Variants in IPO7 observed in about 807,000 individuals in gnomAD.
IPO7 encodes the protein importin-7.
In IPO7, 13 loss-of-function variants were observed where a neutral mutation model predicts 136.4. The observed-to-expected ratio is 0.10, with a 90% confidence interval of 0.06 to 0.15. The LOEUF (loss-of-function observed/expected upper bound fraction) is 0.15. IPO7 is among the 10% of genes least tolerant of loss of function. IPO7 has a pLI of 1.00. For missense variants in IPO7, 857 were observed against 1,240.6 expected, an observed-to-expected ratio of 0.69 and a Z score of 4.65; for synonymous variants, 403 against 404.4, an observed-to-expected ratio of 1.00 and a Z score of 0.04.
rs1428741048 is a variant in IPO7, at chr11:9,440,708, T to A, written c.2902+47T>A. The A allele has an allele frequency of 2.2e-6, 3 of 1,374,134 alleles. No homozygotes were observed. The African/African-American group carries it at 4.3e-5, about 20-fold the overall frequency. The allele number at this position is 1,374,134 out of a possible 1,614,324, so 85.1% of individuals were successfully genotyped here. On this transcript the variant is annotated intron_variant, in intron 23 of 24. Transcript: ENST00000379719. The stretch of plus-strand genomic sequence containing the variant: ...GGATCCATTTCATTGAACAAATCTG[T>A]TGTAGTTTCTGCCTGCCCTTTAAAG...
intron 6 of IPO7, among the ~76,000 whole-genome samples, chr11:9,417,629 A>G (rs1454487015): frequency 6.6e-6 from 1 of 152,040 alleles, no homozygotes. Context: ...TTTTTAGTAC[A>G]TTCAGAGTTG....
intron 6 of IPO7, among the ~76,000 whole-genome samples, chr11:9,418,777 A>G (rs1855080173): frequency 1.3e-5 from 2 of 152,200 alleles, no homozygotes; most frequent in Non-Finnish European, 2.9e-5. Flanking sequence ...CCATGTAGCC[A>G]TCACCTCAGA....
intron 1 of IPO7, among the ~76,000 whole-genome samples, chr11:9,400,645 A>G (rs2133727767): frequency 6.6e-6 from 1 of 151,770 alleles, no homozygotes; most frequent in Admixed American, 6.6e-5. Context: ...GATGGTCTCG[A>G]TCTCCTGACC....
chr11:9,445,232 G>C lies in IPO7; in HGVS notation c.*38G>C. ...TTTCCTGCTGTGTGCTTGTAGTGAA[G>C]AGCTTGTGTTCCTCCTAGTAGTGGT... On this transcript the variant is annotated 3_prime_UTR_variant, in exon 25 of 25. Coordinates refer to ENST00000379719, the MANE Select transcript of IPO7 (RefSeq NM_006391.3). 3.1e-6 allele frequency: 4 copies of C among 1,287,310 alleles called. No homozygotes were observed. Among genetic ancestry groups the C allele is most frequent in the Non-Finnish European group, 4.5e-6 (4 of 883,048 alleles). 79.7% of individuals were successfully genotyped at this position (1,287,310 alleles called of 1,614,324 possible).
At chr11:9,423,226 G>T in intron 9 of IPO7, 86 bp downstream of exon 9, 1 of 834,542 alleles carries the variant, frequency 1.2e-6, no homozygotes, top group Non-Finnish European at 1.8e-6. Flanking sequence ...TTGCATGTTT[G>T]TTGAGTTGTG....
At chr11:9,392,964 A>AAT (rs1854657953) in intron 1 of IPO7, among the ~76,000 whole-genome samples, 1 of 151,676 alleles carries the variant, frequency 6.6e-6, no homozygotes, top group African/African-American at 2.4e-5. Flanking sequence ...AAAAAAAAAA[A>AAT]AGTTACGGGT....
At chr11:9,387,750 G>T (rs956882426) in intron 1 of IPO7, among the ~76,000 whole-genome samples, 1 of 151,912 alleles carries the variant, frequency 6.6e-6, no homozygotes, top group Non-Finnish European at 1.5e-5. Context: ...AGAATCGCTT[G>T]AACCTGGGAG....
intron 22 of IPO7, among the ~76,000 whole-genome samples, chr11:9,438,892 C>T (rs1855421764): frequency 1.3e-5 from 2 of 152,022 alleles, no homozygotes; most frequent in Admixed American, 6.6e-5. Context: ...GTTTTCTATC[C>T]GACTGTGGGA....
intron 19 of IPO7, among the ~76,000 whole-genome samples, chr11:9,435,609 T>G (rs1855358537): frequency 6.6e-6 from 1 of 152,226 alleles, no homozygotes. Flanking sequence ...ATCATCTAGT[T>G]ATGTTAGTCA....
intron 24 of IPO7, among the ~76,000 whole-genome samples, chr11:9,442,524 C>A (rs996103437): frequency 2.0e-5 from 3 of 152,080 alleles, no homozygotes; most frequent in African/African-American, 7.2e-5. Context: ...TGCCATTCTC[C>A]TGCCTCAGCC....
intron 22 of IPO7, among the ~76,000 whole-genome samples, chr11:9,439,339 C>G (rs1855428098): frequency 6.6e-6 from 1 of 152,118 alleles, no homozygotes; most frequent in African/African-American, 2.4e-5. Context: ...TGGTCTGGAA[C>G]TCCTGACCTC....
At chr11:9,436,113 C>T (rs533334847) in intron 19 of IPO7, among the ~76,000 whole-genome samples, 158 bp from the exon 20 acceptor site, 23 of 152,292 alleles carry the variant, frequency 1.5e-4, no homozygotes, top group Non-Finnish European at 2.9e-4. Flanking sequence ...ATCCTTTAGT[C>T]TTTCATCTGT....
Position 9,445,290 on chromosome 11 carries a change from T to A in IPO7, c.*96T>A. The A allele has an allele frequency of 2.0e-6, 1 of 491,060 alleles. No individual in the cohort carries two copies. The highest frequency in any genetic ancestry group is 2.2e-5 in the African/African-American group (1 of 46,322). The allele number at this position is 491,060 out of a possible 1,614,324, so 30.4% of individuals were successfully genotyped here. ...CTGGTTCATGTTATCTATTCTAAAC[T>A]AATAATCAATAGATGGACAAAAGAA... On this transcript the variant is annotated 3_prime_UTR_variant, in exon 25 of 25. Coordinates refer to ENST00000379719, the MANE Select transcript of IPO7 (RefSeq NM_006391.3).
intron 2 of IPO7, among the ~76,000 whole-genome samples, chr11:9,406,262 C>T (rs901092658): frequency 6.6e-6 from 1 of 151,876 alleles, no homozygotes; most frequent in Non-Finnish European, 1.5e-5. Flanking sequence ...CTCAGCCTTC[C>T]AAAGTGCTGG....
intron 1 of IPO7, 90 bp downstream of exon 1, chr11:9,384,937 G>A: frequency 1.0e-6 from 1 of 986,896 alleles, no homozygotes; most frequent in Non-Finnish European, 1.5e-6. Flanking sequence ...AGGCGCGGAC[G>A]ACGTCGTTGA....
At chr11:9,418,507 G>A (rs1855075646) in intron 6 of IPO7, among the ~76,000 whole-genome samples, 2 of 152,114 alleles carry the variant, frequency 1.3e-5, no homozygotes. Context: ...GCATAAGTGA[G>A]ACCAAAGTCC....
intron 6 of IPO7, among the ~76,000 whole-genome samples, chr11:9,419,290 C>T (rs936993410): frequency 6.6e-6 from 1 of 152,054 alleles, no homozygotes; most frequent in African/African-American, 2.4e-5. Context: ...TGGCTTACGC[C>T]TGTAATCACA....
At position 9,445,775 on chromosome 11, in the gene IPO7, T is replaced by C. The variant is rs901088195; in HGVS notation, c.*581T>C. On this transcript the variant is annotated 3_prime_UTR_variant, in exon 25 of 25. Coordinates refer to ENST00000379719, the MANE Select transcript of IPO7 (RefSeq NM_006391.3). ...TTTATTGTAGCACTACATAACTGAT[T>C]ATAAAAATCTGTAAATGAATTAGCA... 2 of 149,810 alleles carry C rather than the reference T, an allele frequency of 1.3e-5. No homozygotes were observed. Among genetic ancestry groups the C allele is most frequent in the East Asian group, 2.0e-4 (1 of 5,096 alleles). The allele number at this position is 149,810 out of a possible 1,614,324, so 9.3% of individuals were successfully genotyped here. A position where few individuals can be genotyped will look rare whatever the true frequency, so the allele number is the denominator to read the frequency against.
chr11:9,437,632 G>A (rs1311606745), intron 20 of IPO7, 122 bp from the exon 21 acceptor site: 6 of 696,138 alleles, frequency 8.6e-6, no homozygotes, highest in Non-Finnish European at 1.4e-5. Flanking sequence ...TGCCTCAGCA[G>A]TAAATATTGG....
Sources: gnomAD v4.1 joint callset for allele counts (sites outside exome capture counted in the v4.1 genomes callset) on GRCh38, gnomAD v4.1.1 for gene constraint, MANE v1.5 for transcripts, NCBI Gene and HGNC (gene_info 2026-07-23, HGNC 2026-07-21) for gene names.